The following CFAP77 variants were observed in gnomAD, a reference collection of about 807,000 sequenced individuals.
The protein encoded by CFAP77 is cilia- and flagella-associated protein 77.
Under a neutral mutation model 31.1 loss-of-function variants are expected in CFAP77, and 25 were observed. The ratio of observed to expected loss-of-function variants is 0.80; its 90% CI spans 0.59 to 1.12. CFAP77 has a LOEUF of 1.12. Among genes scored for constraint, CFAP77 ranks in the 50% most tolerant of loss-of-function variants. The pLI is 0.00. For missense variants in CFAP77, 377 were observed against 397.3 expected, an observed-to-expected ratio of 0.95 and a Z score of 0.44; for synonymous variants, 151 against 159.9, an observed-to-expected ratio of 0.94 and a Z score of 0.42.
At chr9:132,437,817 T>C (rs1564203804) in intron 1 of CFAP77, among the ~76,000 whole-genome samples, 2 of 151,286 alleles carry the variant, frequency 1.3e-5, no homozygotes, top group Non-Finnish European at 3.0e-5. Flanking sequence ...GGCCCACTTT[T>C]GCATTTTAGA....
At chr9:132,546,424 G>A (rs1223859037) in intron 5 of CFAP77, among the ~76,000 whole-genome samples, 2 of 151,474 alleles carry the variant, frequency 1.3e-5, no homozygotes. Context: ...CAGAAAAGTT[G>A]AGCCTGTCAC....
intron 3 of CFAP77, among the ~76,000 whole-genome samples, chr9:132,530,136 C>CTTTTTTTTTTTTTTTTTTTTTTTTTTTTT (rs750962954): frequency 2.1e-5 from 2 of 93,268 alleles, no homozygotes; most frequent in African/African-American, 8.4e-5. Context: ...TCTTTCTTTT[C>CTTTTTTTTTTTTTTTTTTTTTTTTTTTTT]TTTTTTTTTT....
intron 3 of CFAP77, among the ~76,000 whole-genome samples, chr9:132,533,295 T>C (rs540178179): frequency 1.3e-5 from 2 of 152,340 alleles, no homozygotes; most frequent in African/African-American, 4.8e-5. Flanking sequence ...TTCCCATCGA[T>C]GTTTCCCAGT....
chr9:132,437,492 A>C, intron 1 of CFAP77, among the ~76,000 whole-genome samples: 1 of 144,422 alleles, frequency 6.9e-6, no homozygotes, highest in African/African-American at 2.6e-5. Flanking sequence ...GAGGGGCGGG[A>C]CCACTTTTGC....
At chr9:132,568,556 C>CAAA (rs34754814) in intron 5 of CFAP77, among the ~76,000 whole-genome samples, 70 of 90,032 alleles carry the variant, frequency 7.8e-4, no homozygotes, top group African/African-American at 2.2e-3. Context: ...AACTCCGCCT[C>CAAA]AAAAAAAAAA....
chr9:132,492,284 T>A (rs554754599), intron 1 of CFAP77, among the ~76,000 whole-genome samples: 66 of 151,376 alleles, frequency 4.4e-4, no homozygotes, highest in African/African-American at 1.6e-3. Flanking sequence ...CAAGACCCTG[T>A]CTCAAAAAAG....
intron 3 of CFAP77, among the ~76,000 whole-genome samples, chr9:132,512,263 G>A (rs1271002195): frequency 1.3e-5 from 2 of 152,134 alleles, no homozygotes; most frequent in Non-Finnish European, 2.9e-5. Flanking sequence ...CTGCATCTCT[G>A]TCTTCTCCTC....
At chr9:132,503,007 C>T (rs185546938) in intron 3 of CFAP77, among the ~76,000 whole-genome samples, 52 of 152,288 alleles carry the variant, frequency 3.4e-4, no homozygotes, top group African/African-American at 1.2e-3. Context: ...AGCTCAGCAT[C>T]GCCTCTTTGG....
intron 3 of CFAP77, among the ~76,000 whole-genome samples, chr9:132,523,088 C>CT (rs767708460): frequency 1.5e-3 from 193 of 125,294 alleles, no homozygotes; most frequent in Middle Eastern, 4.0e-3. Context: ...TTTCTTCTTT[C>CT]TTTTTTTTTT....
intron 5 of CFAP77, among the ~76,000 whole-genome samples, chr9:132,548,786 C>T (rs891504075): frequency 2.0e-5 from 3 of 147,694 alleles, no homozygotes; most frequent in African/African-American, 7.5e-5. Flanking sequence ...ATTACATAGT[C>T]GTTCAGTCAC....
intron 3 of CFAP77, among the ~76,000 whole-genome samples, chr9:132,519,856 G>T (rs1449219909): frequency 1.4e-5 from 1 of 69,430 alleles, no homozygotes; most frequent in East Asian, 5.1e-4. Context: ...GGGTGGGTGG[G>T]TGGATGAATG....
intron 1 of CFAP77, among the ~76,000 whole-genome samples, chr9:132,476,082 A>C (rs559281236): frequency 1.2e-4 from 19 of 152,084 alleles, no homozygotes; most frequent in Non-Finnish European, 1.8e-4. Context: ...CTCGAATGCC[A>C]CCTCTTCTGG....
rs544918614 is a variant in CFAP77 at position 132,540,852 on chromosome 9, C to T, written c.631-2094C>T. ...AGGGGAGAAGGGCAGGGGATGTGAG[C>T]GAGACGTCCTACTTCTCCCTTTTTC... On this transcript the variant is annotated intron_variant, in intron 4 of 5. Coordinates refer to ENST00000393216, the MANE Select transcript of CFAP77 (RefSeq NM_001282957.2). 4.6e-5 allele frequency among the ~76,000 whole-genome samples: 7 copies of T among 152,146 alleles called. No individual in the cohort carries two copies. In the South Asian group the frequency reaches 6.2e-4, roughly 14 times the overall value.
Position 132,445,605 on chromosome 9 carries a change from C to T in CFAP77, c.195+35139C>T, listed in dbSNP as rs570961345. On this transcript the variant is annotated intron_variant, in intron 1 of 5. Transcript: ENST00000393216. The stretch of plus-strand genomic sequence containing the variant: ...TAAATATGCTGGGCGCGGTGGCTCA[C>T]GCCTGTAATCCCAGCAATTTAGGAG... Among the ~76,000 whole-genome samples the T allele has an allele frequency of 5.9e-5, 9 of 152,226 alleles. 1 individual carries two copies. In the East Asian group the frequency reaches 9.6e-4, roughly 16 times the overall value.
intron 1 of CFAP77, among the ~76,000 whole-genome samples, chr9:132,421,018 T>A (rs538397841): frequency 0.042 from 6,192 of 145,804 alleles, 166 homozygotes; most frequent in African/African-American, 0.06. Context: ...TTTTTTTTTT[T>A]TTTTTTTGAG....
chr9:132,502,442 G>T (rs1162599598), intron 3 of CFAP77, among the ~76,000 whole-genome samples: 1 of 151,882 alleles, frequency 6.6e-6, no homozygotes, highest in Non-Finnish European at 1.5e-5. Flanking sequence ...TCCATCTCAA[G>T]AACTTTTTCA....
At chr9:132,454,179 G>T (rs1288515275) in intron 1 of CFAP77, among the ~76,000 whole-genome samples, 1 of 151,776 alleles carries the variant, frequency 6.6e-6, no homozygotes, top group Non-Finnish European at 1.5e-5. Context: ...ATAATTTTTT[G>T]CCTATTTCCT....
At position 132,523,729 on chromosome 9, in the gene CFAP77, A is replaced by T. The variant is rs545225173; in HGVS notation, c.525-13872A>T. 9.9e-5 allele frequency among the ~76,000 whole-genome samples: 15 copies of T among 152,254 alleles called. 1 individual carries two copies. The South Asian group carries it at 1.9e-3, about 19-fold the overall frequency. Reference sequence around the variant, plus strand: ...TTCCTCGGCTTTTCTGGTCACTTCTAATTACAAAAAGCAATCTCCATGCTC... The same window carrying T: ...TTCCTCGGCTTTTCTGGTCACTTCTTATTACAAAAAGCAATCTCCATGCTC... On this transcript the variant is annotated intron_variant, in intron 3 of 5. Coordinates refer to ENST00000393216, the MANE Select transcript of CFAP77 (RefSeq NM_001282957.2).
At chr9:132,414,499 TCACACACACACACA>T (rs34016277) in intron 1 of CFAP77, among the ~76,000 whole-genome samples, 39 of 143,790 alleles carry the variant, frequency 2.7e-4, no homozygotes, top group East Asian at 1.0e-3. Context: ...TAGCTCTTAT[TCACACACACACACA>T]CACACACACA....
Sources: allele counts gnomAD v4.1 joint callset (sites outside exome capture counted in the v4.1 genomes callset), GRCh38; gene constraint gnomAD v4.1.1; transcripts MANE v1.5; gene names NCBI Gene and HGNC (gene_info 2026-07-23, HGNC 2026-07-21).